Variants in TRPS1 observed in about 807,000 individuals in gnomAD.
TRPS1 encodes zinc finger transcription factor Trps1.
A neutral mutation model predicts 101.2 loss-of-function variants in TRPS1; 6 were observed. The observed-to-expected ratio is 0.06, with a 90% CI of 0.03 to 0.12. TRPS1 has a LOEUF of 0.12. Ranked by LOEUF, TRPS1 falls within the 10% of genes least tolerant of loss-of-function variation. The pLI is 1.00. For missense variants in TRPS1, 1,363 were observed against 1,567.0 expected (o/e 0.87, Z 2.20); for synonymous variants, 578 against 589.8 (o/e 0.98, Z 0.29).
chr8:115,606,379 A>G (rs1301394571), intron 3 of TRPS1, among the ~76,000 whole-genome samples: 1 of 152,232 alleles, frequency 6.6e-6, no homozygotes, highest in Admixed American at 6.5e-5. Context: ...CCAGTATTAT[A>G]GTTCTAAGAA....
intron 5 of TRPS1, among the ~76,000 whole-genome samples, chr8:115,514,027 TAAAC>T (rs2130195702): frequency 6.6e-6 from 1 of 151,842 alleles, no homozygotes; most frequent in South Asian, 2.1e-4. Context: ...GTATCTAAGT[TAAAC>T]AATGTCATTG....
chr8:115,604,100 C>A lies in TRPS1; in HGVS notation c.1869G>T (p.Ser623=), dbSNP rs751550383. 1.9e-6 allele frequency: 3 copies of A among 1,613,894 alleles called. No homozygotes were observed. Among genetic ancestry groups the A allele is most frequent in the Admixed American group, 1.7e-5 (1 of 59,966 alleles). The change falls in exon 4 of 7, where the codon TCG becomes TCT. Residue 623 remains serine (S), a synonymous_variant. Transcript: ENST00000395715. The surrounding 1 kb of genome is among the most constrained non-coding windows in gnomAD (Gnocchi z 4.1). Reference sequence around the variant, plus strand: ...ACTGATGGCACTGATGTTTGACTCGCGAGCTTCCAGCCGCCCCAGGAGACA... The same window carrying A: ...ACTGATGGCACTGATGTTTGACTCGAGAGCTTCCAGCCGCCCCAGGAGACA... ...LHLSPGAAGS[S]RVKHQCHQCS...
At chr8:115,612,778 C>T (rs1340932470) in intron 3 of TRPS1, among the ~76,000 whole-genome samples, 1 of 152,146 alleles carries the variant, frequency 6.6e-6, no homozygotes, top group African/African-American at 2.4e-5. Context: ...TCACTATGTC[C>T]CACCCGTCTA....
chr8:115,517,116 T>C (rs1220861711), intron 5 of TRPS1, among the ~76,000 whole-genome samples: 2 of 151,664 alleles, frequency 1.3e-5, no homozygotes, highest in African/African-American at 2.4e-5. Context: ...ATCTAGAATA[T>C]TTTCTGCTTT....
chr8:115,412,570 A>G lies in TRPS1; in HGVS notation c.*1453T>C, dbSNP rs1304545459. ...TTTTTTTTTTCCTATTTGTTCTCCC[A>G]ACTTCTTTAATGAAATAAGTTAATC... On this transcript the variant is annotated 3_prime_UTR_variant, in exon 7 of 7. Transcript: ENST00000395715. 1.3e-5 allele frequency: 2 copies of G among 152,472 alleles called. No homozygotes were observed. The highest frequency in any genetic ancestry group is 4.8e-5 in the African/African-American group (2 of 41,408). 9.4% of individuals were successfully genotyped at this position (152,472 alleles called of 1,614,324 possible). A position where few individuals can be genotyped will look rare whatever the true frequency, so the allele number is the denominator to read the frequency against.
intron 5 of TRPS1, among the ~76,000 whole-genome samples, chr8:115,527,505 A>T (rs1392173632): frequency 4.6e-5 from 7 of 151,006 alleles, no homozygotes; most frequent in Non-Finnish European, 7.4e-5. Flanking sequence ...TTCATATATT[A>T]AAAAAAAGTT....
chr8:115,549,064 A>T (rs931755362), intron 5 of TRPS1, among the ~76,000 whole-genome samples: 12 of 152,228 alleles, frequency 7.9e-5, no homozygotes, highest in African/African-American at 2.9e-4. Flanking sequence ...AAAGAAACAG[A>T]TGAGAGACAT....
At chr8:115,539,726 C>T (rs1272779151) in intron 5 of TRPS1, among the ~76,000 whole-genome samples, 2 of 152,158 alleles carry the variant, frequency 1.3e-5, no homozygotes, top group African/African-American at 4.8e-5. Context: ...GGCATGGTGG[C>T]ACACACCTGT....
At chr8:115,584,768 G>C (rs1817527782) in intron 5 of TRPS1, among the ~76,000 whole-genome samples, 1 of 151,732 alleles carries the variant, frequency 6.6e-6, no homozygotes, top group South Asian at 2.1e-4. Flanking sequence ...TCTTAATTCT[G>C]TTAGGTGTCT....
At position 115,430,510 on chromosome 8, in the gene TRPS1, A is replaced by T. The variant is rs1813293143; in HGVS notation, c.2701-12058T>A. On this transcript the variant is annotated intron_variant, in intron 5 of 6. Coordinates refer to ENST00000395715, the MANE Select transcript of TRPS1 (RefSeq NM_014112.5). ...CTTTAAGCATACCTTTATTCATGAA[A>T]TATGAAGGACAGCCATTGTTACAGA... Among the ~76,000 whole-genome samples the T allele has an allele frequency of 2.6e-5, 4 of 152,108 alleles. No homozygotes were observed. The South Asian group carries it at 8.3e-4, about 31-fold the overall frequency.
At chr8:115,492,260 T>C in intron 5 of TRPS1, 1 of 456,128 alleles carries the variant, frequency 2.2e-6, no homozygotes, top group Non-Finnish European at 4.4e-6. Context: ...GAGGTAAGAA[T>C]GTTCAGGAAA....
chr8:115,518,066 G>GA (rs374906156), intron 5 of TRPS1, among the ~76,000 whole-genome samples: 151,729 of 151,730 alleles, frequency 1, 75,864 homozygotes, highest in Non-Finnish European at 1. Flanking sequence ...TATCCCAGAA[G>GA]AACTTCCACA....
At chr8:115,605,670 CA>C (rs964675986) in intron 3 of TRPS1, among the ~76,000 whole-genome samples, 9 of 150,168 alleles carry the variant, frequency 6.0e-5, no homozygotes, top group South Asian at 2.1e-4. Flanking sequence ...CTAGAACAAA[CA>C]AAAAAAAAGA....
At chr8:115,562,140 A>G (rs1431830379) in intron 5 of TRPS1, among the ~76,000 whole-genome samples, 1 of 152,108 alleles carries the variant, frequency 6.6e-6, no homozygotes, top group Non-Finnish European at 1.5e-5. Flanking sequence ...GTAGGCAAGT[A>G]TAATTTCACC....
At chr8:115,437,621 G>T (rs1036999983) in intron 5 of TRPS1, among the ~76,000 whole-genome samples, 1 of 152,112 alleles carries the variant, frequency 6.6e-6, no homozygotes, top group Admixed American at 6.5e-5. Context: ...TGTCATCCTT[G>T]TCTTCTAGAA....
At chr8:115,639,262 T>A (rs1818840506) in intron 1 of TRPS1, among the ~76,000 whole-genome samples, 1 of 151,928 alleles carries the variant, frequency 6.6e-6, no homozygotes, top group African/African-American at 2.4e-5. Context: ...AGAGATGAGG[T>A]CTCCCTGTGT....
At chr8:115,563,651 T>C (rs1817000784) in intron 5 of TRPS1, among the ~76,000 whole-genome samples, 1 of 152,136 alleles carries the variant, frequency 6.6e-6, no homozygotes. Flanking sequence ...TTTAACAATG[T>C]AAATCTTCCA....
intron 4 of TRPS1, among the ~76,000 whole-genome samples, chr8:115,593,527 T>C (rs1449398074): frequency 1.3e-5 from 2 of 152,216 alleles, no homozygotes; most frequent in South Asian, 2.1e-4. Flanking sequence ...TTTTCTGACA[T>C]GTATCAGTCT....
rs1234982010 is a variant in TRPS1, at chr8:115,408,508, G to A, written c.*5515C>T. On this transcript the variant is annotated 3_prime_UTR_variant, in exon 7 of 7. Coordinates refer to ENST00000395715, the MANE Select transcript of TRPS1 (RefSeq NM_014112.5). ...ACCAACGCCGTTATGTGTAACTGGT[G>A]GTAAAACTTTATTATTCAAGTTTAG... 1 of 145,338 alleles carries A rather than the reference G, an allele frequency of 6.9e-6. No individual in the cohort carries two copies. The highest frequency in any genetic ancestry group is 7.1e-5 in the Admixed American group (1 of 14,160). The allele number at this position is 145,338 out of a possible 1,614,324, so 9.0% of individuals were successfully genotyped here.
Sources: gnomAD v4.1 joint callset for allele counts (sites outside exome capture counted in the v4.1 genomes callset) on GRCh38, gnomAD v4.1.1 for gene constraint, Gnocchi (gnomAD v3.1) non-coding constraint, MANE v1.5 for transcripts, NCBI Gene and HGNC (gene_info 2026-07-23, HGNC 2026-07-21) for gene names.